RFX3: variants seen among roughly 807,000 people sequenced by gnomAD.
RFX3 encodes the protein transcription factor RFX3.
A neutral mutation model predicts 98.6 loss-of-function variants in RFX3; 14 were observed. The observed-to-expected ratio is 0.14, with a 90% CI of 0.09 to 0.22. The LOEUF is 0.22. Among genes scored for constraint, RFX3 ranks in the 10% least tolerant of loss-of-function variants. The pLI is 1.00. For missense variants in RFX3, 639 were observed against 926.9 expected, an observed-to-expected ratio of 0.69 and a Z score of 4.03; for synonymous variants, 383 against 328.4, an observed-to-expected ratio of 1.17 and a Z score of -1.80.
intron 1 of RFX3, among the ~76,000 whole-genome samples, chr9:3,484,996 G>A (rs1381352330): frequency 6.6e-6 from 1 of 151,438 alleles, no homozygotes; most frequent in Non-Finnish European, 1.5e-5. Flanking sequence ...CTACTTGGGA[G>A]GCTCAGGCAG....
intron 1 of RFX3, among the ~76,000 whole-genome samples, chr9:3,438,590 G>A (rs1479350144): frequency 6.6e-6 from 1 of 150,616 alleles, no homozygotes; most frequent in East Asian, 1.9e-4. Context: ...AAAAGGCAGA[G>A]GTTAATAGAC....
chr9:3,308,194 G>C (rs1048654151), intron 4 of RFX3, among the ~76,000 whole-genome samples: 3 of 152,002 alleles, frequency 2.0e-5, no homozygotes, highest in African/African-American at 7.3e-5. Context: ...CTAACGTTAG[G>C]ATACATAGTG....
At chr9:3,450,477 A>T (rs577646701) in intron 1 of RFX3, among the ~76,000 whole-genome samples, 7 of 152,174 alleles carry the variant, frequency 4.6e-5, no homozygotes, top group African/African-American at 1.7e-4. Context: ...TTAGTGATAC[A>T]AAAGAAAGTA....
At chr9:3,395,417 GAC>G (rs1840755368) in intron 2 of RFX3, 53 bp downstream of exon 2, 2 of 1,594,642 alleles carry the variant, frequency 1.3e-6, no homozygotes, top group Non-Finnish European at 1.7e-6. Flanking sequence ...AGGTATGTTG[GAC>G]AGCCAACATA....
chr9:3,275,441 A>G (rs1825082297), intron 9 of RFX3, 59 bp downstream of exon 9: 1 of 936,876 alleles, frequency 1.1e-6, no homozygotes, highest in South Asian at 1.4e-5. Flanking sequence ...ATTATTTTAT[A>G]TTAGCAAGTT....
chr9:3,223,740 T>C lies in RFX3; in HGVS notation c.*1302A>G, dbSNP rs1011129922. 6.6e-6 allele frequency: 1 copy of C among 152,208 alleles called. No individual in the cohort carries two copies. Among genetic ancestry groups the C allele is most frequent in the African/African-American group, 2.4e-5 (1 of 41,464 alleles). 9.4% of individuals were successfully genotyped at this position (152,208 alleles called of 1,614,324 possible). ...GAATCTGAAAATGACAGGCACACTT[T>C]GTCAAATGGATTGAAGAGTTAGTCA... On this transcript the variant is annotated 3_prime_UTR_variant, in exon 17 of 17. Transcript: ENST00000617270.
At chr9:3,283,147 A>G (rs1483222951) in intron 7 of RFX3, among the ~76,000 whole-genome samples, 1 of 151,742 alleles carries the variant, frequency 6.6e-6, no homozygotes, top group Non-Finnish European at 1.5e-5. Flanking sequence ...ATTAACATCA[A>G]TCAAAGTTAG....
chr9:3,422,899 G>A (rs940690037), intron 1 of RFX3, among the ~76,000 whole-genome samples: 1 of 152,042 alleles, frequency 6.6e-6, no homozygotes. Flanking sequence ...TGTGACAATG[G>A]AGCTATATTT....
chr9:3,316,525 T>C (rs191998848), intron 4 of RFX3, among the ~76,000 whole-genome samples: 1 of 152,170 alleles, frequency 6.6e-6, no homozygotes, highest in Non-Finnish European at 1.5e-5. Context: ...GTTCTGGCCA[T>C]GGCAATCAGG....
intron 1 of RFX3, among the ~76,000 whole-genome samples, chr9:3,505,332 T>A (rs1402327594): frequency 3.9e-5 from 2 of 50,934 alleles, no homozygotes; most frequent in South Asian, 7.6e-4. Flanking sequence ...ATATTTATAT[T>A]TTATATAAAT....
intron 1 of RFX3, among the ~76,000 whole-genome samples, chr9:3,511,530 T>A (rs891144503): frequency 6.6e-6 from 1 of 152,090 alleles, no homozygotes; most frequent in Non-Finnish European, 1.5e-5. Flanking sequence ...AGCTCTTAGA[T>A]GTCTCTTCCT....
intron 2 of RFX3, among the ~76,000 whole-genome samples, chr9:3,350,085 C>T (rs1282016005): frequency 1.3e-5 from 2 of 151,850 alleles, no homozygotes; most frequent in African/African-American, 4.8e-5. Context: ...GACATAACAC[C>T]AAAGGTGTAA....
intron 1 of RFX3, among the ~76,000 whole-genome samples, chr9:3,438,741 G>T (rs2132653216): frequency 1.3e-5 from 2 of 152,060 alleles, no homozygotes; most frequent in African/African-American, 4.8e-5. Flanking sequence ...TGGCTATACT[G>T]TATCAGAAAG....
At chr9:3,254,929 A>G (rs753443352) in intron 14 of RFX3, among the ~76,000 whole-genome samples, 8 of 152,176 alleles carry the variant, frequency 5.3e-5, no homozygotes, top group Non-Finnish European at 1.0e-4. Context: ...CAACACCTTA[A>G]TAATGTGCTT....
At chr9:3,412,983 T>A (rs563582820) in intron 1 of RFX3, among the ~76,000 whole-genome samples, 1 of 152,242 alleles carries the variant, frequency 6.6e-6, no homozygotes, top group East Asian at 1.9e-4. Flanking sequence ...ATATTGAGTC[T>A]AAAAATCACA....
rs10972227 is a variant in RFX3, at chr9:3,488,270, G to C, written c.-9+37477C>G. 5.1e-3 allele frequency among the ~76,000 whole-genome samples: 772 copies of C among 152,204 alleles called. 9 individuals carry two copies. The highest frequency in any genetic ancestry group is 0.026 in the Admixed American group (402 of 15,286). On this transcript the variant is annotated intron_variant, in intron 1 of 16. Transcript: ENST00000617270. ...AGCTCATTTCCTATTACTTTACCAA[G>C]AGAAGGACTTCACCAACACATCTAT... is the stretch of plus-strand genomic sequence containing the variant.
At chr9:3,336,339 G>A (rs560360449) in intron 3 of RFX3, among the ~76,000 whole-genome samples, 99 of 151,952 alleles carry the variant, frequency 6.5e-4, no homozygotes, top group Non-Finnish European at 1.2e-3. Flanking sequence ...GTAACACAAG[G>A]AGAAAGTGGG....
rs1817250369 is a variant in RFX3 at position 3,219,835 on chromosome 9, C to G, written c.*5207G>C. 6.6e-6 allele frequency: 1 copy of G among 152,220 alleles called. No homozygotes were observed. Among genetic ancestry groups the G allele is most frequent in the Admixed American group, 6.5e-5 (1 of 15,270 alleles). 9.4% of individuals were successfully genotyped at this position (152,220 alleles called of 1,614,324 possible). On this transcript the variant is annotated 3_prime_UTR_variant, in exon 17 of 17. Transcript: ENST00000617270. ...CCTAAAAAGCAACGTTTACGGCATA[C>G]TTGCACTATGCTATGGATGTCCTTT...
chr9:3,244,398 T>C (rs921266329), intron 15 of RFX3, among the ~76,000 whole-genome samples: 1 of 152,226 alleles, frequency 6.6e-6, no homozygotes, highest in African/African-American at 2.4e-5. Flanking sequence ...CACTTCGAAC[T>C]GTACCTGGCA....
Sources: allele counts gnomAD v4.1 joint callset (sites outside exome capture counted in the v4.1 genomes callset), GRCh38; gene constraint gnomAD v4.1.1; transcripts MANE v1.5; gene names NCBI Gene and HGNC (gene_info 2026-07-23, HGNC 2026-07-21).